PCDHA3: variants seen among roughly 807,000 people sequenced by gnomAD.
PCDHA3 encodes protocadherin alpha-3.
Under a neutral mutation model 62.2 loss-of-function variants are expected in PCDHA3, and 41 were observed. The observed-to-expected ratio is 0.66, with a 90% CI of 0.51 to 0.86. The LOEUF is 0.86. PCDHA3 is among the 40% of genes least tolerant of loss of function. The pLI, the probability that PCDHA3 is intolerant of heterozygous loss-of-function variation, is 0.00. For synonymous variants in PCDHA3, 640 were observed against 555.4 expected (o/e 1.15, Z -2.14); for missense variants, 1,304 against 1,241.2 (o/e 1.05, Z -0.76).
At chr5:140,807,235 C>T in intron 1 of PCDHA3, 1 of 1,614,190 alleles carries the variant, frequency 6.2e-7, no homozygotes, top group Non-Finnish European at 8.5e-7. Flanking sequence ...GTCTGCTGCT[C>T]TTACTTCTTC....
chr5:140,806,996 G>T (rs887947620), intron 1 of PCDHA3: 4 of 693,592 alleles, frequency 5.8e-6, no homozygotes, highest in South Asian at 3.9e-5. Flanking sequence ...ACATGATGTC[G>T]CTCTTTACCA....
chr5:140,964,579 G>A (rs2095841483), intron 1 of PCDHA3, among the ~76,000 whole-genome samples: 1 of 152,090 alleles, frequency 6.6e-6, no homozygotes, highest in Non-Finnish European at 1.5e-5. Flanking sequence ...ATAAGGGGAG[G>A]AAAGATCACT....
chr5:140,834,777 G>A (rs2150226372), intron 1 of PCDHA3: 1 of 1,613,920 alleles, frequency 6.2e-7, no homozygotes, highest in Admixed American at 1.7e-5. Flanking sequence ...CAACCCTCCG[G>A]TGTTCCCAGC....
chr5:140,927,826 G>A (rs782694866), intron 1 of PCDHA3: 1 of 1,614,194 alleles, frequency 6.2e-7, no homozygotes, highest in Middle Eastern at 1.6e-4. Context: ...ATACATTGAG[G>A]CGAGGGACGA....
At chr5:140,911,250 A>G (rs1165718759) in intron 1 of PCDHA3, among the ~76,000 whole-genome samples, 1 of 152,166 alleles carries the variant, frequency 6.6e-6, no homozygotes. Context: ...AAGTTTCATC[A>G]GAATTTATAA....
intron 1 of PCDHA3, among the ~76,000 whole-genome samples, chr5:140,833,838 T>G (rs1290459937): frequency 6.6e-6 from 1 of 152,186 alleles, no homozygotes; most frequent in Non-Finnish European, 1.5e-5. Context: ...AGTACAGGAT[T>G]TTTCTTAACA....
intron 1 of PCDHA3, among the ~76,000 whole-genome samples, chr5:140,904,548 A>T (rs1280388333): frequency 1.3e-5 from 2 of 152,050 alleles, no homozygotes; most frequent in Admixed American, 1.3e-4. Flanking sequence ...TCTTTTTCAT[A>T]TAATGACTTT....
chr5:140,871,292 CGT>C (rs781959716), intron 1 of PCDHA3: 2 of 1,613,890 alleles, frequency 1.2e-6, no homozygotes, highest in Non-Finnish European at 1.7e-6. Flanking sequence ...ACTGAGGGCG[CGT>C]GCGCGCCGGG....
At chr5:140,927,721 C>G in intron 1 of PCDHA3, 1 of 1,614,204 alleles carries the variant, frequency 6.2e-7, no homozygotes, top group Non-Finnish European at 8.5e-7. Flanking sequence ...CAACAGCACG[C>G]AAGCAGAGCT....
intron 1 of PCDHA3, chr5:140,831,268 T>C (rs1361595805): frequency 1.3e-5 from 2 of 152,248 alleles, no homozygotes; most frequent in Non-Finnish European, 2.9e-5. Flanking sequence ...TGAATTTCAC[T>C]TGATGGTCTT....
rs569728778 is a variant in PCDHA3 at position 140,900,297 on chromosome 5, T to G, written c.2395-78652T>G. 1.4e-4 allele frequency among the ~76,000 whole-genome samples: 22 copies of G among 151,920 alleles called. No individual in the cohort carries two copies. In the East Asian group the frequency reaches 4.1e-3, roughly 28 times the overall value. On this transcript the variant is annotated intron_variant, in intron 1 of 3. Transcript: ENST00000522353. Reference sequence around the variant, plus strand: ...TACCACACTTTCTTTTCTGTTTTTTTAGACAGTCTCACTTTTGTCGCCCAG... The same window carrying G: ...TACCACACTTTCTTTTCTGTTTTTTGAGACAGTCTCACTTTTGTCGCCCAG...
At chr5:140,809,586 AT>A in intron 1 of PCDHA3, 1 of 1,544,520 alleles carries the variant, frequency 6.5e-7, no homozygotes, top group Non-Finnish European at 8.7e-7. Flanking sequence ...AGTGTATAAC[AT>A]CCTTTTGTTT....
chr5:140,941,199 C>CTCCCT (rs2092799099), intron 1 of PCDHA3, among the ~76,000 whole-genome samples: 1 of 115,882 alleles, frequency 8.6e-6, no homozygotes, highest in South Asian at 2.6e-4. Flanking sequence ...TTTTTTCTTT[C>CTCCCT]TTCCTTTCTT....
At chr5:140,882,457 G>A (rs781908788) in intron 1 of PCDHA3, 2 of 1,613,938 alleles carry the variant, frequency 1.2e-6, no homozygotes, top group East Asian at 2.2e-5. Flanking sequence ...TGCCGCGCCT[G>A]TTCCGGGTGG....
chr5:140,833,327 C>T (rs1482387019), intron 1 of PCDHA3, among the ~76,000 whole-genome samples: 2 of 152,096 alleles, frequency 1.3e-5, no homozygotes, highest in Non-Finnish European at 2.9e-5. Flanking sequence ...CCATTGGGAA[C>T]ATTGGAGTGA....
chr5:140,878,468 A>G (rs2057603759), intron 1 of PCDHA3, among the ~76,000 whole-genome samples: 1 of 152,188 alleles, frequency 6.6e-6, no homozygotes, highest in Non-Finnish European at 1.5e-5. Flanking sequence ...TAATAAAATC[A>G]TTTCTCAATT....
Position 140,808,064 on chromosome 5 carries a change from T to C in PCDHA3, c.2394+4473T>C, listed in dbSNP as rs1554124407. On this transcript the variant is annotated intron_variant, in intron 1 of 3. Coordinates refer to ENST00000522353, the MANE Select transcript of PCDHA3 (RefSeq NM_018906.3). ...TATTTCGCCAAATGTGAAATCCAAG[T>C]TTCACATAGATCCAATTACTGGACA... 3.1e-6 allele frequency: 5 copies of C among 1,614,056 alleles called. No individual in the cohort carries two copies. The Admixed American group carries it at 8.3e-5, about 27-fold the overall frequency.
intron 1 of PCDHA3, chr5:140,842,438 A>G (rs1777945140): frequency 6.2e-7 from 1 of 1,613,768 alleles, no homozygotes; most frequent in Non-Finnish European, 8.5e-7. Flanking sequence ...CGCCCTAATT[A>G]GCGTGAACGA....
intron 1 of PCDHA3, among the ~76,000 whole-genome samples, chr5:140,896,577 G>A (rs1273423445): frequency 4.7e-5 from 7 of 149,554 alleles, no homozygotes; most frequent in African/African-American, 1.7e-4. Context: ...GGGTTTTGAC[G>A]TGTTGGCCAG....
Sources: allele counts gnomAD v4.1 joint callset (sites outside exome capture counted in the v4.1 genomes callset), GRCh38; gene constraint gnomAD v4.1.1; transcripts MANE v1.5; gene names NCBI Gene and HGNC (gene_info 2026-07-23, HGNC 2026-07-21).